Variants in SDK1 observed in about 807,000 individuals in gnomAD.
The protein encoded by SDK1 is sidekick cell adhesion molecule 1.
A neutral mutation model predicts 245.5 loss-of-function variants in SDK1; 157 were observed. That is an observed-to-expected ratio of 0.64 (90% CI 0.56 to 0.73). The LOEUF (loss-of-function observed/expected upper bound fraction) is 0.73. Ranked by LOEUF, SDK1 falls within the 30% of genes least tolerant of loss-of-function variation. The pLI is 0.00. For synonymous variants in SDK1, 1,647 were observed against 1,278.5 expected (o/e 1.29, Z -6.15); for missense variants, 3,583 against 3,002.3 (o/e 1.19, Z -4.52).
At chr7:3,349,841 A>G (rs999064704) in intron 1 of SDK1, among the ~76,000 whole-genome samples, 2 of 152,030 alleles carry the variant, frequency 1.3e-5, no homozygotes, top group Non-Finnish European at 2.9e-5. Flanking sequence ...TGACCTCATT[A>G]TCTGCCCGCC....
chr7:4,078,673 AC>A (rs1403714663), intron 21 of SDK1, among the ~76,000 whole-genome samples: 2 of 152,094 alleles, frequency 1.3e-5, no homozygotes, highest in African/African-American at 4.8e-5. Flanking sequence ...TTTGCATGGC[AC>A]AGTAACACGA....
At chr7:4,217,311 C>A (rs1784868314) in intron 38 of SDK1, among the ~76,000 whole-genome samples, 1 of 125,008 alleles carries the variant, frequency 8.0e-6, no homozygotes, top group East Asian at 2.3e-4. Flanking sequence ...GAGAACCAGG[C>A]CACCCGGAGC....
intron 1 of SDK1, among the ~76,000 whole-genome samples, chr7:3,310,063 C>A (rs1031583211): frequency 2.0e-5 from 3 of 152,320 alleles, no homozygotes; most frequent in Non-Finnish European, 4.4e-5. Context: ...GAGCCACATG[C>A]TCAAAAGCTC....
At chr7:3,526,739 C>G (rs1185369811) in intron 1 of SDK1, among the ~76,000 whole-genome samples, 1 of 151,962 alleles carries the variant, frequency 6.6e-6, no homozygotes, top group Non-Finnish European at 1.5e-5. Flanking sequence ...GTTTCTTTTT[C>G]TTTTTTCACA....
At position 3,301,462 on chromosome 7, in the gene SDK1, G is replaced by A. The variant is rs1779252906; in HGVS notation, c.-125G>A. ...AGGACGCCGCCCCTCAGCGCTGGGCGGCCGCTCACCTCGGGCCGGGGGGCG... is the reference window on the plus strand; with the variant it reads ...AGGACGCCGCCCCTCAGCGCTGGGCAGCCGCTCACCTCGGGCCGGGGGGCG... On this transcript the variant is annotated 5_prime_UTR_variant, in exon 1 of 45. Coordinates refer to ENST00000404826, the MANE Select transcript of SDK1 (RefSeq NM_152744.4). 1.0e-5 allele frequency: 2 copies of A among 196,434 alleles called. No individual in the cohort carries two copies. Among genetic ancestry groups the A allele is most frequent in the Admixed American group, 6.8e-5 (1 of 14,794 alleles). The allele number at this position is 196,434 out of a possible 1,614,324, so 12.2% of individuals were successfully genotyped here. A position where few individuals can be genotyped will look rare whatever the true frequency, so the allele number is the denominator to read the frequency against.
chr7:4,184,371 C>T (rs1303628840), intron 35 of SDK1, among the ~76,000 whole-genome samples: 1 of 152,182 alleles, frequency 6.6e-6, no homozygotes, highest in Non-Finnish European at 1.5e-5. Context: ...GCCTTGAGAC[C>T]TTGTGCTGCT....
At chr7:3,865,256 G>A (rs1780793058) in intron 5 of SDK1, among the ~76,000 whole-genome samples, 1 of 152,194 alleles carries the variant, frequency 6.6e-6, no homozygotes. Context: ...GGGAGGCCTG[G>A]TGATCCTCCT....
chr7:3,751,225 A>G (rs182391313), intron 4 of SDK1, among the ~76,000 whole-genome samples: 5 of 152,270 alleles, frequency 3.3e-5, no homozygotes, highest in Non-Finnish European at 7.4e-5. Flanking sequence ...TGTGTTTTTT[A>G]TGAGTATTTC....
In SDK1 at chr7:3,378,467, C is replaced by G. The variant is rs7778298; in HGVS notation, c.298+76583C>G. On this transcript the variant is annotated intron_variant, in intron 1 of 44. Transcript: ENST00000404826. ...AGCATATTCACTTTGACATTTTCTT[C>G]TGCTTACTGTATCAGCCATGTACCC... Among the ~76,000 whole-genome samples the G allele has an allele frequency of 3.4e-3, 512 of 152,148 alleles. 6 individuals carry two copies. The highest frequency in any genetic ancestry group is 0.012 in the African/African-American group (477 of 41,476).
At chr7:3,336,667 C>T (rs571003325) in intron 1 of SDK1, among the ~76,000 whole-genome samples, 2 of 152,044 alleles carry the variant, frequency 1.3e-5, no homozygotes, top group Admixed American at 6.5e-5. Flanking sequence ...CTCCTGGATG[C>T]AGCAACAAAC....
intron 4 of SDK1, among the ~76,000 whole-genome samples, chr7:3,798,855 A>G (rs918725122): frequency 2.6e-5 from 4 of 152,190 alleles, no homozygotes; most frequent in African/African-American, 9.7e-5. Flanking sequence ...TTTTGCGTAG[A>G]TACTTGGAGG....
At chr7:4,030,423 C>T (rs531205222) in intron 17 of SDK1, among the ~76,000 whole-genome samples, 3 of 152,290 alleles carry the variant, frequency 2.0e-5, no homozygotes, top group South Asian at 4.1e-4. Flanking sequence ...CACGAGTTGA[C>T]GTAAGGAGCA....
At chr7:3,437,393 TG>T (rs1255813812) in intron 1 of SDK1, among the ~76,000 whole-genome samples, 2 of 152,224 alleles carry the variant, frequency 1.3e-5, no homozygotes, top group Non-Finnish European at 2.9e-5. Context: ...ACTAATGTTT[TG>T]CAGTGTGTAG....
intron 1 of SDK1, among the ~76,000 whole-genome samples, chr7:3,387,846 C>T (rs1382374796): frequency 1.3e-5 from 2 of 152,148 alleles, no homozygotes; most frequent in Non-Finnish European, 2.9e-5. Context: ...GTACACGTTG[C>T]GGTTTACTTA....
rs117457854 is a variant in SDK1 at position 3,306,577 on chromosome 7, A to G, written c.298+4693A>G. 4.3e-3 allele frequency among the ~76,000 whole-genome samples: 653 copies of G among 152,308 alleles called. 2 individuals are homozygous for G. The highest frequency in any genetic ancestry group is 7.1e-3 in the Non-Finnish European group (480 of 68,036). On this transcript the variant is annotated intron_variant, in intron 1 of 44. Coordinates refer to ENST00000404826, the MANE Select transcript of SDK1 (RefSeq NM_152744.4). The stretch of plus-strand genomic sequence containing the variant: ...ATGTAAACAGTTAAGTTTAGGCTAT[A>G]CTGGGGTTTATACCTAACCAGAAGT...
In SDK1 at chr7:3,875,870, C is replaced by A. The variant is rs142842005; in HGVS notation, c.847+54287C>A. ...ATATGTAAGAGTGTACCACCTGCAG[C>A]TGGTAGGTCCTGGTGTCCCCTCCTT... On this transcript the variant is annotated intron_variant, in intron 5 of 44. Transcript: ENST00000404826. Among the ~76,000 whole-genome samples the A allele has an allele frequency of 7.9e-3, 1,197 of 152,292 alleles. 7 individuals carry two copies. Among genetic ancestry groups the A allele is most frequent in the Middle Eastern group, 0.014 (4 of 294 alleles).
At chr7:3,824,099 C>T (rs1779712382) in intron 5 of SDK1, among the ~76,000 whole-genome samples, 1 of 152,108 alleles carries the variant, frequency 6.6e-6, no homozygotes, top group African/African-American at 2.4e-5. Flanking sequence ...GCAATGAACA[C>T]TGCAGTTCAG....
chr7:3,742,957 C>T (rs769473603), intron 4 of SDK1, among the ~76,000 whole-genome samples: 14 of 152,118 alleles, frequency 9.2e-5, no homozygotes, highest in Non-Finnish European at 1.3e-4. Context: ...GGTTTTCTAC[C>T]AGATGAATGA....
chr7:3,920,756 G>C (rs534287434), intron 5 of SDK1, among the ~76,000 whole-genome samples: 46 of 136,062 alleles, frequency 3.4e-4, no homozygotes, highest in Admixed American at 8.1e-4. Context: ...CTATGCAGAG[G>C]GGGAGCAGTG....
Sources: allele counts gnomAD v4.1 joint callset (sites outside exome capture counted in the v4.1 genomes callset), GRCh38; gene constraint gnomAD v4.1.1; transcripts MANE v1.5; gene names NCBI Gene and HGNC (gene_info 2026-07-23, HGNC 2026-07-21).